The following COX14 variants were observed in gnomAD, a reference collection of about 807,000 sequenced individuals.
COX14 encodes cytochrome c oxidase assembly factor COX14, also known as cytochrome c oxidase assembly protein COX14.
A neutral mutation model predicts 5.8 loss-of-function variants in COX14; 3 were observed. That is an observed-to-expected ratio of 0.51 (90% CI 0.23 to 1.33). The LOEUF is 1.33. Among genes scored for constraint, COX14 ranks in the 40% most tolerant of loss-of-function variants. COX14 has a pLI of 0.18. For synonymous variants in COX14, 25 were observed against 26.1 expected (o/e 0.96, Z 0.13); for missense variants, 72 against 72.1 (o/e 1.00, Z 0.01).
rs987664099 is a variant in COX14 at position 50,118,478 on chromosome 12, T to A, written c.-8-1558T>A. On this transcript the variant is annotated intron_variant, in intron 1 of 1. Coordinates refer to ENST00000550487, the MANE Select transcript of COX14 (RefSeq NM_032901.4). ...GTTGTTGTTTCTTTAAAAATAAATA[T>A]GTATTTTTGGCCAGGCGCGGTGGCT... is the stretch of plus-strand genomic sequence containing the variant. The A allele has an allele frequency of 1.1e-5, 11 of 980,044 alleles. No homozygotes were observed. In the South Asian group the frequency reaches 5.2e-4, roughly 46 times the overall value. The allele number at this position is 980,044 out of a possible 1,614,324, so 60.7% of individuals were successfully genotyped here. A position where few individuals can be genotyped will look rare whatever the true frequency, so the allele number is the denominator to read the frequency against.
chr12:50,117,774 C>G (rs995802635), intron 1 of COX14, among the ~76,000 whole-genome samples: 1 of 135,600 alleles, frequency 7.4e-6, no homozygotes, highest in African/African-American at 2.9e-5. Flanking sequence ...GAGATGGAGT[C>G]TTGCTCTGTC....
chr12:50,117,638 A>G (rs1046390851), intron 1 of COX14, among the ~76,000 whole-genome samples: 19 of 147,086 alleles, frequency 1.3e-4, no homozygotes, highest in Non-Finnish European at 2.4e-4. Context: ...GAGTGCAATG[A>G]TGCGATCTCG....
intron 1 of COX14, among the ~76,000 whole-genome samples, chr12:50,114,471 C>T (rs946067224): frequency 1.1e-4 from 17 of 151,984 alleles, no homozygotes; most frequent in Admixed American, 2.6e-4. Flanking sequence ...AGGCTGGTCT[C>T]GAGCTCCCAA....
At chr12:50,115,778 G>T (rs986207396) in intron 1 of COX14, among the ~76,000 whole-genome samples, 15 of 150,922 alleles carry the variant, frequency 9.9e-5, no homozygotes, top group Middle Eastern at 3.3e-3. Context: ...TCTCAAACTC[G>T]TGGGCTCAAC....
At chr12:50,117,267 C>T (rs1027009192) in intron 1 of COX14, among the ~76,000 whole-genome samples, 3 of 152,054 alleles carry the variant, frequency 2.0e-5, no homozygotes, top group African/African-American at 4.8e-5. Flanking sequence ...CCTCCTGACT[C>T]GGCCTCCCAA....
intron 1 of COX14, among the ~76,000 whole-genome samples, chr12:50,115,084 T>TA (rs1555189098): frequency 0.016 from 2,376 of 145,518 alleles, 63 homozygotes; most frequent in African/African-American, 0.057. Flanking sequence ...TTTTTTTTTT[T>TA]AAATAGAGAT....
At chr12:50,119,257 G>A (rs2137946712) in intron 1 of COX14, among the ~76,000 whole-genome samples, 1 of 152,324 alleles carries the variant, frequency 6.6e-6, no homozygotes, top group Non-Finnish European at 1.5e-5. Context: ...TTTTTATGGG[G>A]AAACAAATTG....
chr12:50,117,022 T>G (rs1434837593), intron 1 of COX14, among the ~76,000 whole-genome samples: 1 of 152,076 alleles, frequency 6.6e-6, no homozygotes, highest in African/African-American at 2.4e-5. Context: ...TTTTTTTTTG[T>G]TTTTTGAGAC....
At chr12:50,119,756 T>C (rs1951113677) in intron 1 of COX14, among the ~76,000 whole-genome samples, 2 of 152,334 alleles carry the variant, frequency 1.3e-5, no homozygotes, top group South Asian at 4.1e-4. Context: ...TCCACAGGCA[T>C]GGAAGGCCAA....
At chr12:50,115,698 C>T (rs1951075224) in intron 1 of COX14, among the ~76,000 whole-genome samples, 1 of 151,890 alleles carries the variant, frequency 6.6e-6, no homozygotes, top group Non-Finnish European at 1.5e-5. Flanking sequence ...ACTACAGGTG[C>T]ATGCCACTAC....
intron 1 of COX14, among the ~76,000 whole-genome samples, chr12:50,114,949 G>A (rs536841820): frequency 5.1e-4 from 76 of 150,178 alleles, no homozygotes; most frequent in Admixed American, 1.5e-3. Flanking sequence ...TGTAGTTTTA[G>A]TAGAGATGGG....
chr12:50,117,582 T>TC (rs35693339), intron 1 of COX14, among the ~76,000 whole-genome samples: 1,397 of 65,242 alleles, frequency 0.021, 15 homozygotes, highest in African/African-American at 0.086. Flanking sequence ...TTTCTGTCTC[T>TC]TTTTTTTTTT....
intron 1 of COX14, among the ~76,000 whole-genome samples, chr12:50,119,685 A>T (rs1393364150): frequency 6.6e-6 from 1 of 152,194 alleles, no homozygotes; most frequent in African/African-American, 2.4e-5. Context: ...ACAGAGTGAG[A>T]ACCTGTCTCA....
intron 1 of COX14, among the ~76,000 whole-genome samples, chr12:50,118,769 A>G (rs1951105259): frequency 6.6e-6 from 1 of 152,208 alleles, no homozygotes; most frequent in Non-Finnish European, 1.5e-5. Flanking sequence ...TCCGTCTCAA[A>G]AAATATATCT....
At chr12:50,115,559 CTTT>C (rs1279234483) in intron 1 of COX14, among the ~76,000 whole-genome samples, 1 of 143,198 alleles carries the variant, frequency 7.0e-6, no homozygotes, top group Non-Finnish European at 1.5e-5. Flanking sequence ...CATGATCCTC[CTTT>C]TTTTTTTTTT....
intron 1 of COX14, 147 bp downstream of exon 1, chr12:50,112,448 C>T: frequency 1.0e-6 from 1 of 985,952 alleles, no homozygotes; most frequent in Non-Finnish European, 1.2e-6. Flanking sequence ...GCGTTGCGGA[C>T]CGCGAGCTGC....
At chr12:50,115,464 C>T (rs1951072742) in intron 1 of COX14, among the ~76,000 whole-genome samples, 1 of 152,014 alleles carries the variant, frequency 6.6e-6, no homozygotes, top group Admixed American at 6.6e-5. Flanking sequence ...ATCCACCCGC[C>T]TTGGCCTCCC....
intron 1 of COX14, among the ~76,000 whole-genome samples, chr12:50,119,644 A>C (rs1951112500): frequency 1.3e-5 from 2 of 152,170 alleles, no homozygotes; most frequent in South Asian, 2.1e-4. Flanking sequence ...GCAATGAGTC[A>C]TACTCACACC....
intron 1 of COX14, among the ~76,000 whole-genome samples, chr12:50,114,745 C>G (rs2137937610): frequency 6.8e-6 from 1 of 146,846 alleles, no homozygotes; most frequent in South Asian, 2.2e-4. Context: ...GACATCATCA[C>G]ATGAATGTTG....
Sources: gnomAD v4.1 joint callset for allele counts (sites outside exome capture counted in the v4.1 genomes callset) on GRCh38, gnomAD v4.1.1 for gene constraint, MANE v1.5 for transcripts, NCBI Gene and HGNC (gene_info 2026-07-23, HGNC 2026-07-21) for gene names.